PRKG1: variants seen among roughly 807,000 people sequenced by gnomAD.
The protein encoded by PRKG1 is protein kinase cGMP-dependent 1.
PRKG1 carries 35 observed loss-of-function variants against 88.1 expected under a neutral mutation model. That is an observed-to-expected ratio of 0.40 (90% CI 0.30 to 0.53). PRKG1 has a LOEUF of 0.53. Among genes scored for constraint, PRKG1 ranks in the 20% least tolerant of loss-of-function variants. The probability of loss-of-function intolerance (pLI) is 0.59; values close to 1 mark genes in which losing one functional copy is unlikely to be tolerated. For synonymous variants in PRKG1, 303 were observed against 292.5 expected (o/e 1.04, Z -0.37); for missense variants, 540 against 839.8 (o/e 0.64, Z 4.41).
chr10:51,118,368 A>G (rs1845178888), intron 1 of PRKG1, among the ~76,000 whole-genome samples: 1 of 152,218 alleles, frequency 6.6e-6, no homozygotes, highest in African/African-American at 2.4e-5. Context: ...CATTTTAATT[A>G]TAGAAAGTAA....
At chr10:51,420,106 G>T (rs949627656) in intron 2 of PRKG1, among the ~76,000 whole-genome samples, 5 of 152,068 alleles carry the variant, frequency 3.3e-5, no homozygotes, top group Non-Finnish European at 7.4e-5. Context: ...GCATTGGCTT[G>T]GGTTGTTTGC....
chr10:52,261,193 T>C (rs953356709), intron 10 of PRKG1, among the ~76,000 whole-genome samples: 1 of 151,970 alleles, frequency 6.6e-6, no homozygotes, highest in Non-Finnish European at 1.5e-5. Context: ...AAATTTAAAC[T>C]TAATAAGATA....
intron 1 of PRKG1, among the ~76,000 whole-genome samples, chr10:51,027,740 C>T (rs990196106): frequency 3.3e-5 from 5 of 152,118 alleles, no homozygotes; most frequent in African/African-American, 1.2e-4. Flanking sequence ...TTTCAGAGAT[C>T]ATTATGTTAA....
intron 2 of PRKG1, among the ~76,000 whole-genome samples, chr10:51,272,559 A>G (rs926011771): frequency 1.3e-5 from 2 of 151,960 alleles, no homozygotes; most frequent in South Asian, 4.1e-4. Context: ...CTTTAAGGTT[A>G]TAAAGAAATG....
At chr10:51,896,905 A>G (rs1399757473) in intron 4 of PRKG1, among the ~76,000 whole-genome samples, 2 of 152,144 alleles carry the variant, frequency 1.3e-5, no homozygotes, top group Non-Finnish European at 2.9e-5. Flanking sequence ...TGTGAAAATA[A>G]ATTTGAATTC....
At chr10:51,256,270 T>C (rs545396732) in intron 2 of PRKG1, among the ~76,000 whole-genome samples, 4 of 152,270 alleles carry the variant, frequency 2.6e-5, no homozygotes, top group Middle Eastern at 3.4e-3. Context: ...GTTTTTCCTT[T>C]TAGTAAATAT....
At chr10:51,488,893 A>G (rs1341492498) in intron 3 of PRKG1, among the ~76,000 whole-genome samples, 2 of 152,086 alleles carry the variant, frequency 1.3e-5, no homozygotes, top group Non-Finnish European at 2.9e-5. Context: ...TCAAGAGTGG[A>G]CTACAATCTC....
intron 2 of PRKG1, among the ~76,000 whole-genome samples, chr10:51,331,332 C>A (rs72803194): frequency 0.24 from 36,580 of 151,950 alleles, 4,943 homozygotes; most frequent in East Asian, 0.35. Flanking sequence ...AAGCTGGAGA[C>A]TGGGTTCACC....
At chr10:51,468,223 C>T (rs1839958422) in intron 3 of PRKG1, among the ~76,000 whole-genome samples, 2 of 151,816 alleles carry the variant, frequency 1.3e-5, no homozygotes, top group South Asian at 4.1e-4. Context: ...ATAAATTCCA[C>T]TTGTTTACTC....
chr10:52,164,117 A>C lies in PRKG1; in HGVS notation c.1076+2154A>C, dbSNP rs538877858. The stretch of plus-strand genomic sequence containing the variant: ...TGTAATCCCAGCACTTTGGGAGGTC[A>C]AGGGGGGAAGATCACCTGAGGTCAG... On this transcript the variant is annotated intron_variant, in intron 9 of 17. Coordinates refer to ENST00000373980, the MANE Select transcript of PRKG1 (RefSeq NM_006258.4). Among the ~76,000 whole-genome samples the C allele has an allele frequency of 5.7e-4, 86 of 152,182 alleles. No homozygotes were observed. The East Asian group carries it at 6.2e-3, about 11-fold the overall frequency.
At chr10:51,261,762 G>A (rs1839711994) in intron 2 of PRKG1, among the ~76,000 whole-genome samples, 1 of 151,886 alleles carries the variant, frequency 6.6e-6, no homozygotes, top group Admixed American at 6.6e-5. Flanking sequence ...GGGGAAGTAT[G>A]TGACTGAAGG....
At chr10:51,151,130 CAAA>C (rs56202198) in intron 1 of PRKG1, among the ~76,000 whole-genome samples, 32 of 119,834 alleles carry the variant, frequency 2.7e-4, no homozygotes, top group Non-Finnish European at 2.5e-4. Context: ...CACTCTCTGA[CAAA>C]AAAAAAAAAA....
At chr10:51,337,533 A>G (rs140384813) in intron 2 of PRKG1, among the ~76,000 whole-genome samples, 5,134 of 152,284 alleles carry the variant, frequency 0.034, 121 homozygotes, top group Non-Finnish European at 0.051. Context: ...TCTAATATCC[A>G]GAATCTACAA....
At chr10:51,626,252 T>A (rs1197146398) in intron 3 of PRKG1, among the ~76,000 whole-genome samples, 1 of 152,226 alleles carries the variant, frequency 6.6e-6, no homozygotes, top group African/African-American at 2.4e-5. Flanking sequence ...CATTTTTCAA[T>A]GAGCTTTTAC....
At chr10:51,920,043 A>G (rs1230044147) in intron 5 of PRKG1, among the ~76,000 whole-genome samples, 1 of 152,156 alleles carries the variant, frequency 6.6e-6, no homozygotes, top group Non-Finnish European at 1.5e-5. Context: ...CCACAACTAG[A>G]TTAAAAATGC....
chr10:51,473,810 C>T (rs1343325994), intron 3 of PRKG1, among the ~76,000 whole-genome samples: 1 of 150,992 alleles, frequency 6.6e-6, no homozygotes, highest in Non-Finnish European at 1.5e-5. Flanking sequence ...AGCAGTTTTC[C>T]CACAAAAATC....
intron 8 of PRKG1, among the ~76,000 whole-genome samples, chr10:52,153,173 A>G (rs1837986276): frequency 6.6e-6 from 1 of 152,196 alleles, no homozygotes; most frequent in Non-Finnish European, 1.5e-5. Flanking sequence ...TTGTGGACAG[A>G]TGTTTTTGTA....
chr10:51,961,963 A>G (rs1304928883), intron 5 of PRKG1, among the ~76,000 whole-genome samples: 1 of 152,204 alleles, frequency 6.6e-6, no homozygotes, highest in African/African-American at 2.4e-5. Flanking sequence ...ATAAAAATGG[A>G]AAAACTAGCA....
At chr10:51,855,471 T>C (rs760877556) in intron 4 of PRKG1, among the ~76,000 whole-genome samples, 61 of 152,348 alleles carry the variant, frequency 4.0e-4, no homozygotes, top group Non-Finnish European at 8.1e-4. Flanking sequence ...TGCTCCACTC[T>C]ATGTGAACTG....
Sources: allele counts gnomAD v4.1 joint callset (sites outside exome capture counted in the v4.1 genomes callset), GRCh38; gene constraint gnomAD v4.1.1; transcripts MANE v1.5; gene names NCBI Gene and HGNC (gene_info 2026-07-23, HGNC 2026-07-21).